The following GABRA3 variants were observed in gnomAD, a reference collection of about 807,000 sequenced individuals.
GABRA3 encodes gamma-aminobutyric acid type A receptor subunit alpha3.
In GABRA3, 10 loss-of-function variants were observed where a neutral mutation model predicts 30.1. The ratio of observed to expected loss-of-function variants is 0.33; its 90% CI spans 0.20 to 0.56. The LOEUF (loss-of-function observed/expected upper bound fraction) is 0.56. Ranked by LOEUF, GABRA3 falls within the 20% of genes least tolerant of loss-of-function variation. GABRA3 has a pLI of 0.89. For missense variants in GABRA3, 233 were observed against 392.0 expected, an observed-to-expected ratio of 0.59 and a Z score of 3.42; for synonymous variants, 151 against 146.8, an observed-to-expected ratio of 1.03 and a Z score of -0.21.
intron 3 of GABRA3, among the ~76,000 whole-genome samples, chrX:152,341,508 G>C: frequency 9.4e-6 from 1 of 106,010 alleles, no homozygotes; most frequent in Admixed American, 1.0e-4. Flanking sequence ...GTGTATAAAC[G>C]TTTCCCTTTC....
intron 3 of GABRA3, among the ~76,000 whole-genome samples, chrX:152,313,705 T>G (rs1308394699): frequency 8.9e-6 from 1 of 112,025 alleles, no homozygotes; most frequent in East Asian, 2.8e-4. Flanking sequence ...GCCTGAGAAA[T>G]GTACTGGTTA....
At chrX:152,306,638 C>T (rs768428078) in intron 3 of GABRA3, among the ~76,000 whole-genome samples, 5 of 111,506 alleles carry the variant, frequency 4.5e-5, no homozygotes, top group Admixed American at 9.5e-5. Flanking sequence ...TACTTTGCAA[C>T]GCAAAATGAG....
chrX:152,271,457 A>C (rs1051530643), intron 4 of GABRA3, among the ~76,000 whole-genome samples: 1 of 112,346 alleles, frequency 8.9e-6, no homozygotes, highest in Non-Finnish European at 1.9e-5. Flanking sequence ...TTTGAACTTG[A>C]GAAAGATGAT....
At chrX:152,238,878 C>T (rs1938291512) in intron 5 of GABRA3, among the ~76,000 whole-genome samples, 1 of 111,020 alleles carries the variant, frequency 9.0e-6, no homozygotes, top group East Asian at 2.8e-4. Flanking sequence ...TTTGATTCTT[C>T]TCTCTTTTTT....
chrX:152,239,985 T>C (rs1239489326), intron 5 of GABRA3, among the ~76,000 whole-genome samples: 2 of 97,802 alleles, frequency 2.0e-5, no homozygotes, highest in African/African-American at 8.4e-5. Flanking sequence ...GAGAATTTAG[T>C]CCATTTACAT....
intron 3 of GABRA3, among the ~76,000 whole-genome samples, chrX:152,325,087 T>G (rs1940031359): frequency 1.8e-5 from 2 of 111,388 alleles, no homozygotes; most frequent in African/African-American, 6.5e-5. Flanking sequence ...CACCTTAGGC[T>G]GGATATTAAT....
At chrX:152,294,271 C>T (rs938359276) in intron 3 of GABRA3, among the ~76,000 whole-genome samples, 5 of 111,466 alleles carry the variant, frequency 4.5e-5, no homozygotes, top group South Asian at 3.8e-4. Flanking sequence ...ACCAATCAGA[C>T]GTAGATTTGG....
chrX:152,178,606 T>G (rs1937105019), intron 9 of GABRA3, among the ~76,000 whole-genome samples: 2 of 112,318 alleles, frequency 1.8e-5, no homozygotes, highest in Non-Finnish European at 3.8e-5. Flanking sequence ...TTTGCAAAAT[T>G]TATACAAGAA....
chrX:152,197,001 A>C (rs866935515), intron 8 of GABRA3, among the ~76,000 whole-genome samples: 1 of 112,491 alleles, frequency 8.9e-6, no homozygotes, highest in South Asian at 3.7e-4. Flanking sequence ...TTAGTAGCTG[A>C]AAAAATTAAT....
chrX:152,214,179 C>T (rs932049787), intron 6 of GABRA3, among the ~76,000 whole-genome samples: 7 of 111,332 alleles, frequency 6.3e-5, no homozygotes, highest in Admixed American at 1.9e-4. Context: ...ATGCGGTATT[C>T]GAGTTTATGA....
chrX:152,239,161 T>A (rs1368320276), intron 5 of GABRA3, among the ~76,000 whole-genome samples: 1 of 96,748 alleles, frequency 1.0e-5, no homozygotes, highest in East Asian at 3.4e-4. Context: ...ACACACTGCT[T>A]TGAATGCGTC....
At chrX:152,276,245 T>C (rs1318419011) in intron 4 of GABRA3, among the ~76,000 whole-genome samples, 2 of 111,714 alleles carry the variant, frequency 1.8e-5, no homozygotes, top group Non-Finnish European at 3.8e-5. Context: ...TATGTACAGA[T>C]TGACCACTAA....
At chrX:152,406,444 G>C (rs1929937771) in intron 1 of GABRA3, among the ~76,000 whole-genome samples, 1 of 105,831 alleles carries the variant, frequency 9.4e-6, no homozygotes, top group Admixed American at 1.0e-4. Context: ...TCTTATATCA[G>C]ATAAAATAGA....
chrX:152,307,794 G>A (rs1330779204), intron 3 of GABRA3, among the ~76,000 whole-genome samples: 4 of 111,793 alleles, frequency 3.6e-5, no homozygotes, highest in African/African-American at 9.8e-5. Context: ...TAGGCATGGA[G>A]TAGCCCACTC....
intron 4 of GABRA3, among the ~76,000 whole-genome samples, chrX:152,273,829 G>T (rs992094268): frequency 3.5e-4 from 39 of 111,272 alleles, no homozygotes; most frequent in Non-Finnish European, 7.0e-4. Context: ...AAGAACAAAA[G>T]ATATTTATTA....
intron 9 of GABRA3, among the ~76,000 whole-genome samples, chrX:152,174,795 A>C (rs1249888777): frequency 9.0e-6 from 1 of 111,655 alleles, no homozygotes; most frequent in Non-Finnish European, 1.9e-5. Flanking sequence ...CTTTAGTTTA[A>C]TTAGATCCCA....
At position 152,350,296 on chromosome X, in the gene GABRA3, C is replaced by T. The variant is rs754503191; in HGVS notation, c.141-4594G>A. ...ACAACATACCAGAATCTCTGGGACG[C>T]ATTCAAAGCAGTGTGTAGAGGGAAA... On this transcript the variant is annotated intron_variant, in intron 2 of 9. Coordinates refer to ENST00000370314, the MANE Select transcript of GABRA3 (RefSeq NM_000808.4). 3.5e-3 allele frequency among the ~76,000 whole-genome samples: 324 copies of T among 93,892 alleles called. 1 individual carries two copies. The highest frequency in any genetic ancestry group is 0.01 in the Middle Eastern group (2 of 194). The allele number at this position is 93,892 out of a possible 115,157, so 81.5% of individuals were successfully genotyped here.
At chrX:152,393,838 G>A (rs942439912) in intron 1 of GABRA3, among the ~76,000 whole-genome samples, 2 of 111,646 alleles carry the variant, frequency 1.8e-5, no homozygotes, top group Admixed American at 9.5e-5. Context: ...AGCAGAAAAC[G>A]ATAGTGCAGT....
intron 1 of GABRA3, among the ~76,000 whole-genome samples, chrX:152,413,486 C>G (rs1226532633): frequency 2.7e-5 from 3 of 111,470 alleles, no homozygotes; most frequent in African/African-American, 9.7e-5. Flanking sequence ...AGATTTATTC[C>G]AGTTATGCAA....
Sources: gnomAD v4.1 joint callset for allele counts (sites outside exome capture counted in the v4.1 genomes callset) on GRCh38, gnomAD v4.1.1 for gene constraint, MANE v1.5 for transcripts, NCBI Gene and HGNC (gene_info 2026-07-23, HGNC 2026-07-21) for gene names.